Variants in CDK11A observed in about 807,000 individuals in gnomAD.
The protein encoded by CDK11A is cyclin dependent kinase 11A, also known as cyclin-dependent kinase 11A.
In CDK11A, 55 loss-of-function variants were observed where a neutral mutation model predicts 83.6. The ratio of observed to expected loss-of-function variants is 0.66; its 90% CI spans 0.53 to 0.82. CDK11A has a LOEUF of 0.82. Among genes scored for constraint, CDK11A ranks in the 40% least tolerant of loss-of-function variants. The pLI, the probability that CDK11A is intolerant of heterozygous loss-of-function variation, is 0.00. For missense variants in CDK11A, 564 were observed against 810.1 expected, an observed-to-expected ratio of 0.70 and a Z score of 3.69; for synonymous variants, 247 against 302.7, an observed-to-expected ratio of 0.82 and a Z score of 1.91.
rs578098585 is a variant in CDK11A, at chr1:1,704,868, T to C, written c.1458+36A>G. The C allele has an allele frequency of 2.2e-5, 36 of 1,607,094 alleles. 1 individual carries two copies. The East Asian group carries it at 4.0e-4, about 18-fold the overall frequency. ...GCACGGGGCCCTGTCGGAAAAGCCT[T>C]CCACCCGGGGCCAGGCGTGGTGGGG... On this transcript the variant is annotated intron_variant, in intron 13 of 19. Transcript: ENST00000404249.
chr1:1,720,826 G>C lies in CDK11A; in HGVS notation c.227+770C>G, dbSNP rs111797652. Reference sequence around the variant, plus strand: ...CCTGCCTCAGCCTCCTGAGTAGCTGGGACTACAGGTGTACACCACCATGCC... The same window carrying C: ...CCTGCCTCAGCCTCCTGAGTAGCTGCGACTACAGGTGTACACCACCATGCC... On this transcript the variant is annotated intron_variant, in intron 3 of 19. Transcript: ENST00000404249. 1.1e-3 allele frequency among the ~76,000 whole-genome samples: 166 copies of C among 151,254 alleles called. 2 individuals are homozygous for C. Among genetic ancestry groups the C allele is most frequent in the South Asian group, 4.2e-4 (2 of 4,768 alleles).
At position 1,722,101 on chromosome 1, in the gene CDK11A, C is replaced by T. The variant is rs181782778; in HGVS notation, c.112-390G>A. Among the ~76,000 whole-genome samples, 279 of 150,538 alleles carry T rather than the reference C, an allele frequency of 1.9e-3. 13 individuals are homozygous for T. The highest frequency in any genetic ancestry group is 5.8e-3 in the African/African-American group (239 of 40,970). On this transcript the variant is annotated intron_variant, in intron 2 of 19. Coordinates refer to ENST00000404249, the MANE Select transcript of CDK11A (RefSeq NM_024011.4). ...GGCCCTGGGCGACAGTGCGAGATTC[C>T]GTCTCAAAAACAAAAAAAAAGCTAA...
At chr1:1,703,310 C>T in intron 18 of CDK11A, 41 bp from the exon 19 acceptor site, 1 of 573,996 alleles carries the variant, frequency 1.7e-6, no homozygotes, top group Non-Finnish European at 2.7e-6. Context: ...TGCTCGTGTG[C>T]TCCACTGGGT....
intron 2 of CDK11A, chr1:1,722,454 A>C (rs1395215149): frequency 1.4e-6 from 1 of 707,304 alleles, no homozygotes; most frequent in Non-Finnish European, 2.3e-6. Context: ...AACCGAGAAA[A>C]ATTAGTCCAG....
Position 1,719,472 on chromosome 1 carries a change from C to G in CDK11A, c.228-17G>C. On this transcript the variant is annotated splice_polypyrimidine_tract_variant and intron_variant, in intron 3 of 19. Transcript: ENST00000404249. ...TCTTCTCCTCTGAAATAAAACACAA[C>G]AGCACTGCGTCATGCTTGAGAAAGT... 6.8e-7 allele frequency: 1 copy of G among 1,469,248 alleles called. No homozygotes were observed. Among genetic ancestry groups the G allele is most frequent in the Non-Finnish European group, 9.0e-7 (1 of 1,110,538 alleles). The allele number at this position is 1,469,248 out of a possible 1,614,324, so 91.0% of individuals were successfully genotyped here.
rs1250364278 is a variant in CDK11A, at chr1:1,702,767, A to G, written c.*140T>C. 9 of 568,216 alleles carry G rather than the reference A, an allele frequency of 1.6e-5. No homozygotes were observed. Among genetic ancestry groups the G allele is most frequent in the Admixed American group, 3.1e-5 (1 of 32,378 alleles). 35.2% of individuals were successfully genotyped at this position (568,216 alleles called of 1,614,324 possible). ...CAAGGAAAATGATTTAATTCTACAA[A>G]TTTACAAACCAAAATACAAAAACAA... is the stretch of plus-strand genomic sequence containing the variant. On this transcript the variant is annotated 3_prime_UTR_variant, in exon 20 of 20. Transcript: ENST00000404249.
chr1:1,706,710 A>T (rs1276265564), intron 11 of CDK11A, among the ~76,000 whole-genome samples: 1 of 151,174 alleles, frequency 6.6e-6, no homozygotes, highest in African/African-American at 2.4e-5. Context: ...CCCAGGCCGG[A>T]TGTCACGTAC....
chr1:1,704,541 C>G lies in CDK11A; in HGVS notation c.1564+9G>C, dbSNP rs749863418. On this transcript the variant is annotated intron_variant, in intron 14 of 19. Coordinates refer to ENST00000404249, the MANE Select transcript of CDK11A (RefSeq NM_024011.4). ...TGTACGCAGACAGGACCCCGGGGCG[C>G]GGCTGTACCTGGCAGGAAGGGCTGT... 1.2e-6 allele frequency: 2 copies of G among 1,603,964 alleles called. No individual in the cohort carries two copies. The highest frequency in any genetic ancestry group is 1.7e-6 in the Non-Finnish European group (2 of 1,174,450).
rs745508835 is a variant in CDK11A at position 1,716,352 on chromosome 1, C to T, written c.482G>A (p.Arg161Lys). ...RREMAREHSR[R>K]ERDRLEQLER... ...ACTGACCCAGCCCACTCACCTTTCTCTCCTGGAATGCTCCCTTGCCATTTC... is the reference window on the plus strand; with the variant it reads ...ACTGACCCAGCCCACTCACCTTTCTTTCCTGGAATGCTCCCTTGCCATTTC... Residue 161 changes from arginine to lysine, a missense_variant, in exon 5 of 20, where the codon AGA becomes AAA. Physicochemically the swap from Arg to Lys is conservative, Grantham distance 26. Around this residue, in one of 5 missense-constraint regions of CDK11A, gnomAD observed 151 missense variants for 147.4 expected, o/e 1.02. Coordinates refer to ENST00000404249, the MANE Select transcript of CDK11A (RefSeq NM_024011.4). 8 of 1,609,012 alleles carry T rather than the reference C, an allele frequency of 5.0e-6. No homozygotes were observed. In the Admixed American group the frequency reaches 1.3e-4, roughly 27 times the overall value.
At chr1:1,719,553 C>A in intron 3 of CDK11A, 98 bp from the exon 4 acceptor site, 6 of 905,858 alleles carry the variant, frequency 6.6e-6, no homozygotes, top group East Asian at 3.6e-5. Flanking sequence ...ATGCATGATT[C>A]AGATAGGAAC....
At position 1,702,516 on chromosome 1, in the gene CDK11A, G is replaced by A. The variant is rs911239819; in HGVS notation, c.*391C>T. Among the ~76,000 whole-genome samples the A allele has an allele frequency of 8.4e-5, 10 of 119,712 alleles. No individual in the cohort carries two copies. The highest frequency in any genetic ancestry group is 2.8e-4 in the African/African-American group (10 of 35,212). The allele number at this position is 119,712 out of a possible 152,430, so 78.5% of individuals were successfully genotyped here. The stretch of plus-strand genomic sequence containing the variant: ...GTGGACAGGGCTGGTCTGGACGAGT[G>A]GGTTGGGGCAAGAGGGCATCGCTCA... On this transcript the variant is annotated 3_prime_UTR_variant, in exon 20 of 20. Coordinates refer to ENST00000404249, the MANE Select transcript of CDK11A (RefSeq NM_024011.4).
At position 1,721,577 on chromosome 1, in the gene CDK11A, C is replaced by A; in HGVS notation, c.227+19G>T. On this transcript the variant is annotated intron_variant, in intron 3 of 19. Transcript: ENST00000404249. Reference sequence around the variant, plus strand: ...GGGCTGTGTACAGTTGGGTCTTGCACATCTGTACATCCGCTCACCTGTCTT... The same window carrying A: ...GGGCTGTGTACAGTTGGGTCTTGCAAATCTGTACATCCGCTCACCTGTCTT... The A allele has an allele frequency of 1.9e-6, 3 of 1,602,732 alleles. No individual in the cohort carries two copies. The highest frequency in any genetic ancestry group is 2.6e-6 in the Non-Finnish European group (3 of 1,171,950).
At chr1:1,717,694 G>A (rs1644723463) in intron 4 of CDK11A, among the ~76,000 whole-genome samples, 1 of 112,576 alleles carries the variant, frequency 8.9e-6, no homozygotes, top group Non-Finnish European at 1.9e-5. Flanking sequence ...TTTTCGGTCT[G>A]TGACACACGC....
chr1:1,721,208 A>C (rs1644892982), intron 3 of CDK11A, among the ~76,000 whole-genome samples: 1 of 142,536 alleles, frequency 7.0e-6, no homozygotes, highest in Non-Finnish European at 1.6e-5. Context: ...AAAAAAAAAA[A>C]GAGTACACTT....
At position 1,707,410 on chromosome 1, in the gene CDK11A, T is replaced by C; in HGVS notation, c.1244A>G (p.Gln415Arg). 6.2e-7 allele frequency: 1 copy of C among 1,607,680 alleles called. No homozygotes were observed. The highest frequency in any genetic ancestry group is 8.5e-7 in the Non-Finnish European group (1 of 1,176,010). The change falls in exon 11 of 20, where the codon CAG becomes CGG. Residue 415 changes from glutamine to arginine, a missense_variant and splice_region_variant. Coordinates refer to ENST00000404249, the MANE Select transcript of CDK11A (RefSeq NM_024011.4). ...CCCGGGGCGAGGGGAGGGCCTGACC[T>C]GCAGGGCCGGCAGGTACTTGGGCAG... Reference protein sequence around the residue: ...QELPKYLPALQGCRSVEEFQC... With the variant: ...QELPKYLPALRGCRSVEEFQC...
intron 3 of CDK11A, among the ~76,000 whole-genome samples, chr1:1,720,575 T>C (rs1644868392): frequency 6.7e-6 from 1 of 149,732 alleles, no homozygotes; most frequent in South Asian, 2.1e-4. Context: ...ATTTTTATAT[T>C]TTTAGTAGAG....
chr1:1,703,756 C>G, intron 17 of CDK11A, 68 bp downstream of exon 17: 1 of 1,583,392 alleles, frequency 6.3e-7, no homozygotes, highest in Non-Finnish European at 8.6e-7. Flanking sequence ...AGCACCTGTG[C>G]GCCCCGCAGC....
chr1:1,722,521 A>T, intron 2 of CDK11A, 187 bp downstream of exon 2: 1 of 576,034 alleles, frequency 1.7e-6, no homozygotes, highest in South Asian at 1.6e-5. Context: ...CTCAATCTAG[A>T]CACAGCTTTA....
intron 5 of CDK11A, among the ~76,000 whole-genome samples, chr1:1,716,060 G>C (rs1288753723): frequency 6.6e-6 from 1 of 150,736 alleles, no homozygotes. Flanking sequence ...GTAAGTGCTG[G>C]AATTCTAGCG....
Sources: allele counts gnomAD v4.1 joint callset (sites outside exome capture counted in the v4.1 genomes callset), GRCh38; gene constraint gnomAD v4.1.1; regional missense constraint gnomAD v4.1.1; transcripts MANE v1.5; gene names NCBI Gene and HGNC (gene_info 2026-07-23, HGNC 2026-07-21).